GALNT13: variants seen among roughly 807,000 people sequenced by gnomAD.
GALNT13 encodes polypeptide N-acetylgalactosaminyltransferase 13.
In GALNT13, 28 loss-of-function variants were observed where a neutral mutation model predicts 64.2. The observed-to-expected ratio is 0.44, with a 90% CI of 0.32 to 0.60. GALNT13 has a LOEUF of 0.60. Among genes scored for constraint, GALNT13 ranks in the 20% least tolerant of loss-of-function variants. GALNT13 has a pLI of 0.05. For synonymous variants in GALNT13, 214 were observed against 224.6 expected (o/e 0.95, Z 0.42); for missense variants, 577 against 669.8 (o/e 0.86, Z 1.53).
the GALNT13 span, among the ~76,000 whole-genome samples, chr2:153,602,601 A>G: frequency 9.2e-5 from 14 of 151,860 alleles, no homozygotes; most frequent in Admixed American, 4.6e-4. Context: ...TTCTTAGTGT[A>G]AAAAAGGAAT....
At chr2:153,309,902 C>A in the GALNT13 span, among the ~76,000 whole-genome samples, 1 of 152,074 alleles carries the variant, frequency 6.6e-6, no homozygotes, top group Non-Finnish European at 1.5e-5. Flanking sequence ...TATAGTTGTA[C>A]ATTCAGAATT....
At chr2:153,524,201 CAA>C in the GALNT13 span, among the ~76,000 whole-genome samples, 1 of 152,054 alleles carries the variant, frequency 6.6e-6, no homozygotes, top group Non-Finnish European at 1.5e-5. Flanking sequence ...TTGTTGAACT[CAA>C]TAACTGATAT....
chr2:153,082,960 C>T, the GALNT13 span, among the ~76,000 whole-genome samples: 1 of 151,662 alleles, frequency 6.6e-6, no homozygotes, highest in African/African-American at 2.4e-5. Context: ...TCCCAAGTGT[C>T]TGGGATTACA....
chr2:154,155,269 AAAC>A (rs1360898569), intron 4 of GALNT13, among the ~76,000 whole-genome samples: 1 of 152,084 alleles, frequency 6.6e-6, no homozygotes, highest in Non-Finnish European at 1.5e-5. Context: ...TAATTTTTAA[AAAC>A]AGCCATTTGA....
chr2:153,756,678 C>G, the GALNT13 span, among the ~76,000 whole-genome samples: 1 of 151,992 alleles, frequency 6.6e-6, no homozygotes, highest in Non-Finnish European at 1.5e-5. Flanking sequence ...TTTCAACATC[C>G]TTTCTGCTTT....
chr2:153,198,358 G>C, the GALNT13 span, among the ~76,000 whole-genome samples: 8 of 152,202 alleles, frequency 5.3e-5, no homozygotes, highest in Non-Finnish European at 1.0e-4. Context: ...TCTGAGGTGA[G>C]AATGTAGGCC....
At chr2:154,411,653 G>T (rs1247781276) in intron 11 of GALNT13, among the ~76,000 whole-genome samples, 2 of 151,616 alleles carry the variant, frequency 1.3e-5, no homozygotes, top group Non-Finnish European at 3.0e-5. Context: ...AAATCTATCT[G>T]GAATATAGAT....
chr2:153,554,898 T>A, the GALNT13 span, among the ~76,000 whole-genome samples: 1 of 152,198 alleles, frequency 6.6e-6, no homozygotes, highest in Admixed American at 6.5e-5. Context: ...CGAGAGAAAA[T>A]TTTTTTAGTG....
At chr2:153,559,246 C>T in the GALNT13 span, among the ~76,000 whole-genome samples, 9 of 152,218 alleles carry the variant, frequency 5.9e-5, no homozygotes, top group African/African-American at 2.2e-4. Flanking sequence ...CTGAAAGAGT[C>T]TTTTTGTAGT....
At position 154,181,787 on chromosome 2, in the gene GALNT13, A is replaced by AT. The variant is rs1685972555; in HGVS notation, c.311+41285dup. On this transcript the variant is annotated intron_variant, in intron 4 of 12. Transcript: ENST00000392825. ...CTTTAAAAATAAATTACAAATAAATATTTAACATAAATAATATTTCACCAT... is the reference window on the plus strand; with the variant it reads ...CTTTAAAAATAAATTACAAATAAATATTTTAACATAAATAATATTTCACCAT... 2.0e-5 allele frequency among the ~76,000 whole-genome samples: 3 copies of AT among 152,168 alleles called. No homozygotes were observed. In the South Asian group the frequency reaches 6.2e-4, roughly 31 times the overall value.
the GALNT13 span, among the ~76,000 whole-genome samples, chr2:153,742,510 T>A: frequency 1.3e-5 from 2 of 152,242 alleles, no homozygotes; most frequent in South Asian, 2.1e-4. Flanking sequence ...TGGTTTGGGC[T>A]TCTAGTGGAC....
At chr2:153,824,424 G>T in the GALNT13 span, among the ~76,000 whole-genome samples, 1 of 152,106 alleles carries the variant, frequency 6.6e-6, no homozygotes, top group Admixed American at 6.5e-5. Context: ...AAATGCACTT[G>T]TCTTTTTGGT....
the GALNT13 span, among the ~76,000 whole-genome samples, chr2:153,742,748 T>A: frequency 6.6e-6 from 1 of 152,058 alleles, no homozygotes; most frequent in African/African-American, 2.4e-5. Flanking sequence ...AAGGGTGTGA[T>A]CTCATTCTCT....
the GALNT13 span, among the ~76,000 whole-genome samples, chr2:153,525,057 A>G: frequency 6.6e-6 from 1 of 152,204 alleles, no homozygotes; most frequent in Non-Finnish European, 1.5e-5. Flanking sequence ...ATACCAGATC[A>G]GCCACAGTAA....
chr2:154,188,977 A>C (rs1334099916), intron 4 of GALNT13, among the ~76,000 whole-genome samples: 10 of 152,186 alleles, frequency 6.6e-5, no homozygotes, highest in African/African-American at 2.4e-4. Context: ...CAATTATTTA[A>C]ATTTACTATG....
chr2:153,106,946 A>G, the GALNT13 span, among the ~76,000 whole-genome samples: 1 of 152,122 alleles, frequency 6.6e-6, no homozygotes, highest in Non-Finnish European at 1.5e-5. Context: ...AGAGGAGTAA[A>G]TTGCCTGAGC....
chr2:153,711,981 C>T, the GALNT13 span, among the ~76,000 whole-genome samples: 3 of 152,102 alleles, frequency 2.0e-5, no homozygotes, highest in Admixed American at 2.0e-4. Context: ...GAGTAAAATA[C>T]GCTACTTCTC....
intron 8 of GALNT13, among the ~76,000 whole-genome samples, chr2:154,286,089 G>C (rs1169100117): frequency 6.6e-6 from 1 of 152,108 alleles, no homozygotes; most frequent in Non-Finnish European, 1.5e-5. Context: ...TTTTGGTGGA[G>C]CTTTTAGGGT....
chr2:153,558,419 T>C, the GALNT13 span, among the ~76,000 whole-genome samples: 1 of 152,154 alleles, frequency 6.6e-6, no homozygotes, highest in Non-Finnish European at 1.5e-5. Context: ...AGAAGAGTGG[T>C]TCTGTCCTTT....
Sources: allele counts gnomAD v4.1 joint callset (sites outside exome capture counted in the v4.1 genomes callset), GRCh38; gene constraint gnomAD v4.1.1; transcripts MANE v1.5; gene names NCBI Gene and HGNC (gene_info 2026-07-23, HGNC 2026-07-21).